TANC1: variants seen among roughly 807,000 people sequenced by gnomAD.
TANC1 encodes tetratricopeptide repeat, ankyrin repeat and coiled-coil containing 1.
Under a neutral mutation model 149.7 loss-of-function variants are expected in TANC1, and 77 were observed. The ratio of observed to expected loss-of-function variants is 0.51; its 90% CI spans 0.43 to 0.62. The LOEUF is 0.62. Ranked by LOEUF, TANC1 falls within the 20% of genes least tolerant of loss-of-function variation. The pLI, the probability that TANC1 is intolerant of heterozygous loss-of-function variation, is 0.00. For missense variants in TANC1, 1,985 were observed against 2,321.8 expected, an observed-to-expected ratio of 0.85 and a Z score of 2.98; for synonymous variants, 854 against 925.0, an observed-to-expected ratio of 0.92 and a Z score of 1.39.
At chr2:158,976,811 G>A (rs942118427) in intron 1 of TANC1, among the ~76,000 whole-genome samples, 1 of 152,136 alleles carries the variant, frequency 6.6e-6, no homozygotes, top group Admixed American at 6.5e-5. Context: ...AACCTGGGAG[G>A]TGGAGGTTGC....
At chr2:159,047,569 G>A (rs2041169169) in intron 2 of TANC1, among the ~76,000 whole-genome samples, 1 of 152,110 alleles carries the variant, frequency 6.6e-6, no homozygotes, top group African/African-American at 2.4e-5. Context: ...CCTTTGGAAA[G>A]GCTAATCAGA....
intron 2 of TANC1, among the ~76,000 whole-genome samples, chr2:159,017,694 A>AT (rs2038415567): frequency 1.7e-5 from 2 of 119,096 alleles, no homozygotes; most frequent in African/African-American, 7.5e-5. Flanking sequence ...AACAACAACA[A>AT]AATATATATA....
chr2:158,977,119 C>G (rs1441589055), intron 1 of TANC1, among the ~76,000 whole-genome samples: 2 of 151,688 alleles, frequency 1.3e-5, no homozygotes, highest in Admixed American at 6.6e-5. Flanking sequence ...AATTCCTGAG[C>G]TTCAATACGT....
intron 2 of TANC1, among the ~76,000 whole-genome samples, chr2:159,065,664 TAAC>T (rs1034188489): frequency 3.3e-5 from 5 of 151,800 alleles, no homozygotes; most frequent in African/African-American, 7.3e-5. Flanking sequence ...TTAGCTTTTC[TAAC>T]AACAGTGAAC....
chr2:159,085,711 T>G (rs2044764505), intron 3 of TANC1, among the ~76,000 whole-genome samples: 1 of 151,968 alleles, frequency 6.6e-6, no homozygotes, highest in South Asian at 2.1e-4. Flanking sequence ...TAATCAGATC[T>G]CTAGTGAACT....
intron 8 of TANC1, among the ~76,000 whole-genome samples, chr2:159,166,762 C>T (rs1473261093): frequency 1.3e-5 from 2 of 152,244 alleles, no homozygotes; most frequent in Non-Finnish European, 2.9e-5. Flanking sequence ...CTGAAATCTT[C>T]CTGCCCTATT....
rs189235607 is a variant in TANC1 at position 159,030,131 on chromosome 2, A to G, written c.-16+28942A>G. Among the ~76,000 whole-genome samples, 13 of 152,302 alleles carry G rather than the reference A, an allele frequency of 8.5e-5. No homozygotes were observed. In the East Asian group the frequency reaches 2.5e-3, roughly 29 times the overall value. On this transcript the variant is annotated intron_variant, in intron 2 of 26. Transcript: ENST00000263635. ...AGTGTTGACACTGCTTTTGGTTTTT[A>G]AGTGACTGTGTGTTATTCCTTCCCG...
Position 159,230,195 on chromosome 2 carries a change from C to T in TANC1, c.4769C>T (p.Thr1590Ile). 1 of 1,614,054 alleles carries T rather than the reference C, an allele frequency of 6.2e-7. No individual in the cohort carries two copies. Residue 1590 changes from threonine (T) to isoleucine (I), a missense_variant, in exon 27 of 27, where the codon ACA becomes ATA. Physicochemically the swap from Thr to Ile is moderately conservative, Grantham distance 89 (BLOSUM62 -1). Around this residue, in one of 3 missense-constraint regions of TANC1, gnomAD observed 920 missense variants for 994.7 expected, o/e 0.92. Coordinates refer to ENST00000263635, the MANE Select transcript of TANC1 (RefSeq NM_033394.3). The surrounding 1 kb of genome is among the most constrained non-coding windows in gnomAD (Gnocchi z 4.4). ...QHLEGTGTFT[T>I]RAGCGHFGDR... ...TTAGAGGGAACAGGTACTTTCACTA[C>T]AAGAGCTGGTTGTGGCCACTTTGGG...
At chr2:159,155,680 C>T (rs1200538553) in intron 7 of TANC1, among the ~76,000 whole-genome samples, 1 of 152,236 alleles carries the variant, frequency 6.6e-6, no homozygotes, top group South Asian at 2.1e-4. Context: ...TTCTGAATGC[C>T]TTTCCTTTGC....
Position 159,141,826 on chromosome 2 carries a change from A to G in TANC1, c.364+5528A>G, listed in dbSNP as rs549263047. On this transcript the variant is annotated intron_variant, in intron 5 of 26. Transcript: ENST00000263635. ...GGAGCACCAGCAAGAGGGACAGGAA[A>G]AGACCACACAAGACCACAGTATTCT... is the stretch of plus-strand genomic sequence containing the variant. Among the ~76,000 whole-genome samples the G allele has an allele frequency of 1.1e-4, 17 of 152,310 alleles. 1 individual carries two copies. Among genetic ancestry groups the G allele is most frequent in the Admixed American group, 7.8e-4 (12 of 15,308 alleles).
rs752517351 is a variant in TANC1, at chr2:159,170,536, C to A, written c.1082C>A (p.Pro361His). The A allele has an allele frequency of 1.2e-5, 19 of 1,593,890 alleles. No homozygotes were observed. The highest frequency in any genetic ancestry group is 1.7e-4 in the Middle Eastern group (1 of 5,992). ...RAQEVKARFA[P>H]YKPQDILLKP... ...TCTTCTTTTGAAGCACGATTTGCTC[C>A]CTACAAGCCACAAGACATTTTGTTG... is the stretch of plus-strand genomic sequence containing the variant. The change falls in exon 10 of 27, where the codon CCC (proline) becomes CAC (histidine). Residue 361 changes from proline to histidine, a missense_variant. Pro to His is a moderately conservative substitution (Grantham distance 77). This residue lies in a region of TANC1 where 557 missense variants were observed against 612.9 expected (regional missense o/e 0.91). Transcript: ENST00000263635.
intron 2 of TANC1, among the ~76,000 whole-genome samples, chr2:159,041,324 G>T (rs972917982): frequency 1.3e-5 from 2 of 152,220 alleles, no homozygotes; most frequent in Non-Finnish European, 2.9e-5. Flanking sequence ...AGAGCTGTCA[G>T]ACAGGGACGT....
chr2:159,118,178 T>G (rs942185059), intron 4 of TANC1, among the ~76,000 whole-genome samples: 4 of 152,202 alleles, frequency 2.6e-5, no homozygotes, highest in Non-Finnish European at 4.4e-5. Context: ...GGTGCCAGGT[T>G]GCTCCAAGGT....
At chr2:159,105,304 T>C (rs2047069195) in intron 4 of TANC1, among the ~76,000 whole-genome samples, 2 of 147,380 alleles carry the variant, frequency 1.4e-5, no homozygotes, top group Admixed American at 1.3e-4. Flanking sequence ...AGATACTTAC[T>C]TTTTAAAAAA....
intron 2 of TANC1, among the ~76,000 whole-genome samples, chr2:159,045,256 C>T (rs760740588): frequency 6.6e-6 from 1 of 152,026 alleles, no homozygotes; most frequent in Non-Finnish European, 1.5e-5. Flanking sequence ...CTCAGGAGTG[C>T]CTGTCTGTAC....
At chr2:159,218,401 C>G (rs1029290272) in intron 20 of TANC1, among the ~76,000 whole-genome samples, 2 of 152,212 alleles carry the variant, frequency 1.3e-5, no homozygotes, top group Admixed American at 6.5e-5. Context: ...CCCTGTCACC[C>G]TCACTGCTTC....
chr2:159,128,192 C>G (rs960222690), intron 4 of TANC1, among the ~76,000 whole-genome samples: 1 of 152,202 alleles, frequency 6.6e-6, no homozygotes, highest in Admixed American at 6.5e-5. Context: ...GTAGTAGTGA[C>G]TCAAATCACA....
rs779235541 is a variant in TANC1 at position 159,176,436 on chromosome 2, C to T, written c.1820C>T (p.Thr607Met). 6.3e-6 allele frequency: 10 copies of T among 1,591,882 alleles called. No individual in the cohort carries two copies. Among genetic ancestry groups the T allele is most frequent in the South Asian group, 2.3e-5 (2 of 87,962 alleles). Residue 607 changes from threonine (T) to methionine (M), a missense_variant, in exon 13 of 27, where the codon ACG (threonine) becomes ATG (methionine). Physicochemically the swap from Thr to Met is moderately conservative, Grantham distance 81 (BLOSUM62 -1). Around this residue, in one of 3 missense-constraint regions of TANC1, gnomAD observed 508 missense variants for 714.2 expected, o/e 0.71. Transcript: ENST00000263635. Reference sequence around the variant, plus strand: ...TTTCATAAACCTGATTATGGAGATACGCTTTCTTCATTTATTACCAAAATT... The same window carrying T: ...TTTCATAAACCTGATTATGGAGATATGCTTTCTTCATTTATTACCAAAATT... ...AEFHKPDYGDTLSSFITKIIS... is the reference protein window; with the variant it reads ...AEFHKPDYGDMLSSFITKIIS...
intron 3 of TANC1, among the ~76,000 whole-genome samples, chr2:159,077,158 C>T (rs986146962): frequency 1.3e-5 from 2 of 152,114 alleles, no homozygotes; most frequent in African/African-American, 2.4e-5. Context: ...TTCTGGATTA[C>T]GCAGTCCTCC....
Sources: gnomAD v4.1 joint callset for allele counts (sites outside exome capture counted in the v4.1 genomes callset) on GRCh38, gnomAD v4.1.1 for gene constraint, gnomAD v4.1.1 regional missense constraint, Gnocchi (gnomAD v3.1) non-coding constraint, MANE v1.5 for transcripts, NCBI Gene and HGNC (gene_info 2026-07-23, HGNC 2026-07-21) for gene names.